Variants in SLC39A11 observed in about 807,000 individuals in gnomAD.
SLC39A11 encodes zinc transporter ZIP11.
In SLC39A11, 33 loss-of-function variants were observed where a neutral mutation model predicts 36.1. The ratio of observed to expected loss-of-function variants is 0.91; its 90% CI spans 0.69 to 1.22. SLC39A11 has a LOEUF of 1.22. SLC39A11 is among the 50% of genes most tolerant of loss of function. The pLI, the probability that SLC39A11 is intolerant of heterozygous loss-of-function variation, is 0.00. For missense variants in SLC39A11, 432 were observed against 430.3 expected (o/e 1.00, Z -0.03); for synonymous variants, 166 against 170.3 (o/e 0.97, Z 0.20).
chr17:72,696,444 T>C (rs993966236), intron 7 of SLC39A11, among the ~76,000 whole-genome samples: 21 of 152,156 alleles, frequency 1.4e-4, no homozygotes, highest in Admixed American at 3.3e-4. Context: ...GAAGCCAGGC[T>C]CAGGGAGGGT....
At chr17:72,678,688 A>G (rs1329372657) in intron 7 of SLC39A11, among the ~76,000 whole-genome samples, 1 of 151,698 alleles carries the variant, frequency 6.6e-6, no homozygotes, top group African/African-American at 2.4e-5. Flanking sequence ...CTGGACGAGA[A>G]AAAAAAAAGA....
At position 73,004,228 on chromosome 17, in the gene SLC39A11, AAAGAAAAG is replaced by A. The variant is rs1324386428; in HGVS notation, c.306+27320_306+27327del. On this transcript the variant is annotated intron_variant, in intron 4 of 9. Coordinates refer to ENST00000255559, the MANE Select transcript of SLC39A11 (RefSeq NM_139177.4). Reference sequence around the variant, plus strand: ...GAAAGAAAGAAAGAAAGAAAGAAAGAAAGAAAAGAAAGAAAGAGAAAAAGCAAGCAAGC... The same window carrying A: ...GAAAGAAAGAAAGAAAGAAAGAAAGAAAAGAAAGAGAAAAAGCAAGCAAGC... Among the ~76,000 whole-genome samples the A allele has an allele frequency of 9.5e-5, 7 of 73,926 alleles. No individual in the cohort carries two copies. In the East Asian group the frequency reaches 2.6e-3, roughly 27 times the overall value. 48.5% of individuals were successfully genotyped at this position (73,926 alleles called of 152,430 possible).
At chr17:72,913,850 C>T (rs1475960087) in intron 5 of SLC39A11, among the ~76,000 whole-genome samples, 2 of 152,094 alleles carry the variant, frequency 1.3e-5, no homozygotes, top group African/African-American at 4.8e-5. Flanking sequence ...CAAACATCTC[C>T]AGTTCCCATT....
At chr17:72,785,340 A>G (rs1324516327) in intron 6 of SLC39A11, among the ~76,000 whole-genome samples, 1 of 152,028 alleles carries the variant, frequency 6.6e-6, no homozygotes, top group African/African-American at 2.4e-5. Flanking sequence ...TCTCTCCTCC[A>G]TGGCTAGATG....
intron 5 of SLC39A11, among the ~76,000 whole-genome samples, chr17:72,885,209 T>C (rs2081384972): frequency 6.6e-6 from 1 of 152,176 alleles, no homozygotes; most frequent in South Asian, 2.1e-4. Context: ...TTCCTCAGTT[T>C]TTGCCTCCTC....
At chr17:72,863,018 A>T (rs1016548808) in intron 5 of SLC39A11, among the ~76,000 whole-genome samples, 2 of 152,144 alleles carry the variant, frequency 1.3e-5, no homozygotes, top group African/African-American at 4.8e-5. Flanking sequence ...AGATTCTTGG[A>T]CTCCACAGTA....
intron 7 of SLC39A11, among the ~76,000 whole-genome samples, chr17:72,727,818 G>A (rs572083678): frequency 1.1e-4 from 17 of 152,262 alleles, no homozygotes; most frequent in African/African-American, 3.6e-4. Flanking sequence ...ATGGGAAGGA[G>A]CTGGGGAGGG....
chr17:73,054,257 G>A (rs2059597890), intron 3 of SLC39A11, among the ~76,000 whole-genome samples: 1 of 151,994 alleles, frequency 6.6e-6, no homozygotes, highest in African/African-American at 2.4e-5. Flanking sequence ...AGCTACTCAG[G>A]AGGCTGAGGC....
At chr17:72,701,599 A>G (rs962924005) in intron 7 of SLC39A11, among the ~76,000 whole-genome samples, 2 of 151,458 alleles carry the variant, frequency 1.3e-5, no homozygotes, top group South Asian at 2.1e-4. Context: ...GTGGTGGTGC[A>G]TGCCTGTAGT....
At chr17:72,660,502 A>C (rs2070362009) in intron 7 of SLC39A11, among the ~76,000 whole-genome samples, 1 of 152,154 alleles carries the variant, frequency 6.6e-6, no homozygotes, top group Non-Finnish European at 1.5e-5. Context: ...GAAGTGACAG[A>C]GCAGGGCCTC....
At chr17:72,754,605 A>C (rs1433565908) in intron 6 of SLC39A11, among the ~76,000 whole-genome samples, 1 of 152,132 alleles carries the variant, frequency 6.6e-6, no homozygotes, top group Non-Finnish European at 1.5e-5. Flanking sequence ...ACAGCACTGG[A>C]ATGATGGGAC....
At chr17:72,752,245 T>A (rs1010711789) in intron 6 of SLC39A11, among the ~76,000 whole-genome samples, 8 of 152,110 alleles carry the variant, frequency 5.3e-5, no homozygotes, top group African/African-American at 1.9e-4. Context: ...ATATCTTTTT[T>A]TCTGTTTTTT....
At chr17:73,017,709 A>C (rs1164870901) in intron 4 of SLC39A11, among the ~76,000 whole-genome samples, 1 of 152,174 alleles carries the variant, frequency 6.6e-6, no homozygotes, top group Middle Eastern at 3.2e-3. Flanking sequence ...ACTTCGTCTC[A>C]AAAATAAAAT....
chr17:72,870,029 CT>C (rs2080524260), intron 5 of SLC39A11, among the ~76,000 whole-genome samples: 1 of 151,288 alleles, frequency 6.6e-6, no homozygotes, highest in African/African-American at 2.4e-5. Context: ...TTTTCTTCTT[CT>C]TCTTTTTTTT....
chr17:73,058,009 C>CTT (rs11322974), intron 3 of SLC39A11, among the ~76,000 whole-genome samples: 29 of 118,504 alleles, frequency 2.4e-4, no homozygotes, highest in African/African-American at 4.3e-4. Context: ...GTTTTAGACT[C>CTT]TTTTTTTTTT....
In SLC39A11 at chr17:72,649,199, C is replaced by T. The variant is rs35310135; in HGVS notation, c.741G>A (p.Gly247=). Reference sequence around the variant, plus strand: ...AAGCTCTCCAGGTGGAGAAGCCTGCCCCTCGCAAGGGAAGGCTGACAGCCA... The same window carrying T: ...AAGCTCTCCAGGTGGAGAAGCCTGCTCCTCGCAAGGGAAGGCTGACAGCCA... ...EGLAVSLPLR[G]AGFSTWRAFW... Residue 247 remains glycine, a synonymous_variant, in exon 8 of 10, where the codon GGG becomes GGA. Transcript: ENST00000255559. 3,201 of 1,614,176 alleles carry T rather than the reference C, an allele frequency of 2.0e-3. 65 individuals are homozygous for T. The African/African-American group carries it at 0.04, about 20-fold the overall frequency.
chr17:73,060,618 G>A (rs2059812399), intron 3 of SLC39A11, among the ~76,000 whole-genome samples: 2 of 152,148 alleles, frequency 1.3e-5, no homozygotes, highest in Admixed American at 6.5e-5. Context: ...CCCTGAGAAA[G>A]CCTCAAAGGA....
chr17:72,748,580 ACAGGCAGCGC>A (rs1389028389), intron 6 of SLC39A11, among the ~76,000 whole-genome samples: 22 of 152,236 alleles, frequency 1.4e-4, no homozygotes, highest in African/African-American at 5.3e-4. Flanking sequence ...CTGCGAAGAC[ACAGGCAGCGC>A]CTCGTTTGTA....
At chr17:72,924,497 G>A (rs2083914113) in intron 5 of SLC39A11, among the ~76,000 whole-genome samples, 1 of 152,094 alleles carries the variant, frequency 6.6e-6, no homozygotes, top group African/African-American at 2.4e-5. Flanking sequence ...TGTTTAGCAT[G>A]AATGATATCC....
Sources: allele counts gnomAD v4.1 joint callset (sites outside exome capture counted in the v4.1 genomes callset), GRCh38; gene constraint gnomAD v4.1.1; transcripts MANE v1.5; gene names NCBI Gene and HGNC (gene_info 2026-07-23, HGNC 2026-07-21).